The following PCDHGC3 variants were observed in gnomAD, a reference collection of about 807,000 sequenced individuals.
PCDHGC3 encodes the protein protocadherin gamma-C3.
Under a neutral mutation model 59.2 loss-of-function variants are expected in PCDHGC3, and 26 were observed. The ratio of observed to expected loss-of-function variants is 0.44; its 90% CI spans 0.32 to 0.61. PCDHGC3 has a LOEUF of 0.61. Among genes scored for constraint, PCDHGC3 ranks in the 20% least tolerant of loss-of-function variants. The pLI is 0.05. For missense variants in PCDHGC3, 1,080 were observed against 1,221.8 expected, an observed-to-expected ratio of 0.88 and a Z score of 1.73; for synonymous variants, 487 against 519.7, an observed-to-expected ratio of 0.94 and a Z score of 0.86.
chr5:141,490,936 C>T lies in PCDHGC3; in HGVS notation c.2431-3871C>T. 6.2e-7 allele frequency: 1 copy of T among 1,613,694 alleles called. No individual in the cohort carries two copies. On this transcript the variant is annotated intron_variant, in intron 1 of 3. Transcript: ENST00000308177. The surrounding 1 kb of genome is among the most constrained non-coding windows in gnomAD (Gnocchi z 5.4). ...GAATGATAATGCCCCAGCTGTGCTG[C>T]ACCCACGGCCAGACTGGGAACACTC...
In PCDHGC3 at chr5:141,477,857, C is replaced by A. The variant is rs548674958; in HGVS notation, c.1741C>A (p.Pro581Thr). The change falls in exon 1 of 4, where the codon CCT becomes ACT. Residue 581 changes from proline to threonine, a missense_variant. Transcript: ENST00000308177. The surrounding 1 kb of genome is among the most constrained non-coding windows in gnomAD (Gnocchi z 4.9). ...AGGTGGGAGCTCGGTGGAGATGCTG[C>A]CTCGAGGTACCTCAGCTGGCCACCT... ...RPGGSSVEMLPRGTSAGHLVS... is the reference protein window; with the variant it reads ...RPGGSSVEMLTRGTSAGHLVS... 2.9e-5 allele frequency: 47 copies of A among 1,613,454 alleles called. No individual in the cohort carries two copies. In the South Asian group the frequency reaches 4.9e-4, roughly 17 times the overall value.
Position 141,490,526 on chromosome 5 carries a change from C to T in PCDHGC3, c.2431-4281C>T, listed in dbSNP as rs1270447529. 6.2e-7 allele frequency: 1 copy of T among 1,614,116 alleles called. No homozygotes were observed. Among genetic ancestry groups the T allele is most frequent in the Non-Finnish European group, 8.5e-7 (1 of 1,180,008 alleles). ...ATCATCGAGCTGCTGGCCAGCGATGCTGGTTCACCTTCCCTACACAAACAT... is the reference window on the plus strand; with the variant it reads ...ATCATCGAGCTGCTGGCCAGCGATGTTGGTTCACCTTCCCTACACAAACAT... On this transcript the variant is annotated intron_variant, in intron 1 of 3. Coordinates refer to ENST00000308177, the MANE Select transcript of PCDHGC3 (RefSeq NM_002588.4). The surrounding 1 kb of genome is among the most constrained non-coding windows in gnomAD (Gnocchi z 5.4).
intron 2 of PCDHGC3, among the ~76,000 whole-genome samples, chr5:141,505,145 G>A (rs540889707): frequency 1.3e-5 from 2 of 152,288 alleles, no homozygotes; most frequent in East Asian, 3.9e-4. Flanking sequence ...CTGGATGACA[G>A]AGTAAGACCC....
rs1016254258 is a variant in PCDHGC3 at position 141,489,870 on chromosome 5, G to C, written c.2431-4937G>C. ...GTGAAGCCCAGGCAAGACATCAGCT[G>C]GTGCTTACTGCTGTGGATGGGGGGA... On this transcript the variant is annotated intron_variant, in intron 1 of 3. Transcript: ENST00000308177. The surrounding 1 kb of genome is among the most constrained non-coding windows in gnomAD (Gnocchi z 4.5). The C allele has an allele frequency of 2.0e-5, 32 of 1,614,102 alleles. No homozygotes were observed. Among genetic ancestry groups the C allele is most frequent in the African/African-American group, 4.0e-5 (3 of 74,944 alleles).
chr5:141,498,737 G>A (rs1176793634), intron 2 of PCDHGC3, among the ~76,000 whole-genome samples: 1 of 152,076 alleles, frequency 6.6e-6, no homozygotes, highest in African/African-American at 2.4e-5. Context: ...TTTGAGACCA[G>A]CCTGGCCAAC....
At chr5:141,510,408 T>C (rs1447722710) in intron 3 of PCDHGC3, among the ~76,000 whole-genome samples, 1 of 151,878 alleles carries the variant, frequency 6.6e-6, no homozygotes, top group African/African-American at 2.4e-5. Flanking sequence ...GCTAGGGGCA[T>C]GTAAAGCCAT....
intron 2 of PCDHGC3, among the ~76,000 whole-genome samples, chr5:141,502,056 C>T (rs1163976282): frequency 1.3e-5 from 2 of 152,116 alleles, no homozygotes; most frequent in Non-Finnish European, 2.9e-5. Flanking sequence ...CTACTTTATT[C>T]CCATTAGCCC....
intron 2 of PCDHGC3, among the ~76,000 whole-genome samples, chr5:141,497,920 C>T (rs548251626): frequency 6.6e-6 from 1 of 152,336 alleles, no homozygotes; most frequent in East Asian, 1.9e-4. Flanking sequence ...CTCCTTCATT[C>T]ATTCAACAAA....
chr5:141,487,802 C>T lies in PCDHGC3; in HGVS notation c.2431-7005C>T, dbSNP rs765438219. The T allele has an allele frequency of 9.5e-6, 14 of 1,477,306 alleles. No individual in the cohort carries two copies. The South Asian group carries it at 1.7e-4, about 18-fold the overall frequency. 91.5% of individuals were successfully genotyped at this position (1,477,306 alleles called of 1,614,324 possible). A position where few individuals can be genotyped will look rare whatever the true frequency, so the allele number is the denominator to read the frequency against. ...TTTCGTGAATTAACCAGAGTTGTCACAGTTTAGCATTGGGGGCGGGTCATG... is the reference window on the plus strand; with the variant it reads ...TTTCGTGAATTAACCAGAGTTGTCATAGTTTAGCATTGGGGGCGGGTCATG... On this transcript the variant is annotated intron_variant, in intron 1 of 3. Transcript: ENST00000308177. The surrounding 1 kb of genome is among the most constrained non-coding windows in gnomAD (Gnocchi z 5.0).
chr5:141,511,031 A>G lies in PCDHGC3; in HGVS notation c.2663A>G (p.Gln888Arg). 6.2e-7 allele frequency: 1 copy of G among 1,614,244 alleles called. No individual in the cohort carries two copies. The highest frequency in any genetic ancestry group is 8.5e-7 in the Non-Finnish European group (1 of 1,180,034). ...SARYGPQFTL[Q>R]HVPDYRQNVY... Reference sequence around the variant, plus strand: ...CGCTACGGACCCCAGTTCACCCTGCAGCACGTGCCCGACTACCGCCAGAAT... The same window carrying G: ...CGCTACGGACCCCAGTTCACCCTGCGGCACGTGCCCGACTACCGCCAGAAT... The change falls in exon 4 of 4, where the codon CAG (glutamine) becomes CGG (arginine). Residue 888 changes from glutamine to arginine, a missense_variant. Gln to Arg is a conservative substitution (Grantham distance 43). Coordinates refer to ENST00000308177, the MANE Select transcript of PCDHGC3 (RefSeq NM_002588.4).
chr5:141,500,271 C>T (rs936454651), intron 2 of PCDHGC3, among the ~76,000 whole-genome samples: 3 of 151,598 alleles, frequency 2.0e-5, no homozygotes, highest in African/African-American at 7.3e-5. Flanking sequence ...TGCAGTGGCG[C>T]AATCTCGGCT....
chr5:141,477,951 G>T lies in PCDHGC3; in HGVS notation c.1835G>T (p.Gly612Val). 3 of 1,614,120 alleles carry T rather than the reference G, an allele frequency of 1.9e-6. No homozygotes were observed. The highest frequency in any genetic ancestry group is 2.5e-6 in the Non-Finnish European group (3 of 1,180,024). Reference protein sequence around the residue: ...HNAWLSYSLLGSPNQSLFAIG... With the variant: ...HNAWLSYSLLVSPNQSLFAIG... Reference sequence around the variant, plus strand: ...GCCTGGCTCTCCTACAGTCTCTTGGGATCCCCTAACCAGAGCCTTTTTGCC... The same window carrying T: ...GCCTGGCTCTCCTACAGTCTCTTGGTATCCCCTAACCAGAGCCTTTTTGCC... The change falls in exon 1 of 4, where the codon GGA (glycine) becomes GTA (valine). Residue 612 changes from glycine (G) to valine (V), a missense_variant. By Grantham distance (109) the Gly-to-Val change is moderately radical (BLOSUM62 -3). Transcript: ENST00000308177. The surrounding 1 kb of genome is among the most constrained non-coding windows in gnomAD (Gnocchi z 4.9).
At position 141,476,676 on chromosome 5, in the gene PCDHGC3, G is replaced by A. The variant is rs753538822; in HGVS notation, c.560G>A (p.Arg187Gln). The A allele has an allele frequency of 6.2e-7, 1 of 1,614,222 alleles. No individual in the cohort carries two copies. The highest frequency in any genetic ancestry group is 8.5e-7 in the Non-Finnish European group (1 of 1,180,054). Residue 187 changes from arginine (R) to glutamine (Q), a missense_variant, in exon 1 of 4, where the codon CGG becomes CAG. Transcript: ENST00000308177. The surrounding 1 kb of genome is among the most constrained non-coding windows in gnomAD (Gnocchi z 7.6). ...TACTTTGCGCTTCGCGTGCAGACGC[G>A]GGAGGACAGCACCAAGTACGCGGAG... ...NEYFALRVQT[R>Q]EDSTKYAELV...
intron 2 of PCDHGC3, among the ~76,000 whole-genome samples, chr5:141,496,582 G>A (rs991035985): frequency 1.9e-4 from 29 of 152,100 alleles, no homozygotes; most frequent in Non-Finnish European, 3.5e-4. Flanking sequence ...TTTTAGGAAC[G>A]CAAAGCGCTT....
At chr5:141,500,546 G>A (rs1428503967) in intron 2 of PCDHGC3, among the ~76,000 whole-genome samples, 1 of 152,126 alleles carries the variant, frequency 6.6e-6, no homozygotes, top group African/African-American at 2.4e-5. Context: ...ACCTAAATAA[G>A]TTGTTCACAA....
At chr5:141,500,959 C>T (rs2099804326) in intron 2 of PCDHGC3, among the ~76,000 whole-genome samples, 1 of 152,022 alleles carries the variant, frequency 6.6e-6, no homozygotes, top group South Asian at 2.1e-4. Flanking sequence ...AGCTCCACCT[C>T]CTGGGTTCAA....
chr5:141,489,165 G>T lies in PCDHGC3; in HGVS notation c.2431-5642G>T. ...GAAGGAGACATAAGAGACTTCAGCT[G>T]CTGCATTCCAAGCCCTGGGTCTACC... On this transcript the variant is annotated intron_variant, in intron 1 of 3. Coordinates refer to ENST00000308177, the MANE Select transcript of PCDHGC3 (RefSeq NM_002588.4). This position sits in a 1 kb window ranked among gnomAD's most constrained non-coding sequence, Gnocchi z 4.5. 9.2e-7 allele frequency: 1 copy of T among 1,082,084 alleles called. No homozygotes were observed. Among genetic ancestry groups the T allele is most frequent in the Non-Finnish European group, 1.3e-6 (1 of 745,856 alleles). 67.0% of individuals were successfully genotyped at this position (1,082,084 alleles called of 1,614,324 possible).
At position 141,494,833 on chromosome 5, in the gene PCDHGC3, T is replaced by C. The variant is rs537340090; in HGVS notation, c.2457T>C (p.Arg819=). 1 of 1,614,094 alleles carries C rather than the reference T, an allele frequency of 6.2e-7. No homozygotes were observed. The highest frequency in any genetic ancestry group is 1.7e-5 in the Admixed American group (1 of 60,014). Residue 819 remains arginine, a synonymous_variant, in exon 2 of 4, where the codon CGT becomes CGC. Coordinates refer to ENST00000308177, the MANE Select transcript of PCDHGC3 (RefSeq NM_002588.4). ...GQQAPPNTDW[R]FSQAQRPGTS... Reference sequence around the variant, plus strand: ...AAGCCCCGCCCAACACGGACTGGCGTTTCTCTCAGGCCCAGAGACCCGGCA... The same window carrying C: ...AAGCCCCGCCCAACACGGACTGGCGCTTCTCTCAGGCCCAGAGACCCGGCA...
In PCDHGC3 at chr5:141,485,985, T is replaced by C. The variant is rs748867624; in HGVS notation, c.2430+7439T>C. 5.6e-6 allele frequency: 9 copies of C among 1,614,086 alleles called. No homozygotes were observed. Among genetic ancestry groups the C allele is most frequent in the South Asian group, 5.5e-5 (5 of 91,094 alleles). On this transcript the variant is annotated intron_variant, in intron 1 of 3. Coordinates refer to ENST00000308177, the MANE Select transcript of PCDHGC3 (RefSeq NM_002588.4). The surrounding 1 kb of genome is among the most constrained non-coding windows in gnomAD (Gnocchi z 5.7). ...CAGCTCAATGCCTCAGACCCGGACC[T>C]GGGTCCCAGTGGTAACGTCACCTTT...
Sources: gnomAD v4.1 joint callset for allele counts (sites outside exome capture counted in the v4.1 genomes callset) on GRCh38, gnomAD v4.1.1 for gene constraint, Gnocchi (gnomAD v3.1) non-coding constraint, MANE v1.5 for transcripts, NCBI Gene and HGNC (gene_info 2026-07-23, HGNC 2026-07-21) for gene names.